CAPN13: variants seen among roughly 807,000 people sequenced by gnomAD.
CAPN13 encodes calpain-13.
A neutral mutation model predicts 98.4 loss-of-function variants in CAPN13; 90 were observed. The ratio of observed to expected loss-of-function variants is 0.92; its 90% CI spans 0.77 to 1.09. The LOEUF (loss-of-function observed/expected upper bound fraction) is 1.09, where lower values mean the gene tolerates loss of function less well. CAPN13 is among the 50% of genes least tolerant of loss of function. CAPN13 has a pLI of 0.00. For missense variants in CAPN13, 887 were observed against 841.3 expected (o/e 1.05, Z -0.67); for synonymous variants, 330 against 305.5 (o/e 1.08, Z -0.84).
At chr2:30,783,935 C>G (rs1004189174) in intron 2 of CAPN13, among the ~76,000 whole-genome samples, 2 of 152,056 alleles carry the variant, frequency 1.3e-5, no homozygotes, top group Non-Finnish European at 2.9e-5. Flanking sequence ...AATCCCAGCA[C>G]TTTGGGAGGC....
At chr2:30,798,508 G>T (rs1052809892) in intron 1 of CAPN13, among the ~76,000 whole-genome samples, 1 of 152,212 alleles carries the variant, frequency 6.6e-6, no homozygotes, top group Non-Finnish European at 1.5e-5. Flanking sequence ...GTGACAGGTT[G>T]CTCTGGTGTC....
chr2:30,751,424 A>T (rs966826042), intron 10 of CAPN13, among the ~76,000 whole-genome samples, 173 bp from the exon 11 acceptor site: 1 of 152,178 alleles, frequency 6.6e-6, no homozygotes, highest in South Asian at 2.1e-4. Context: ...TAATTTTCTA[A>T]ACCTTGGTTT....
chr2:30,742,861 G>A (rs1026632338), intron 13 of CAPN13, among the ~76,000 whole-genome samples: 1 of 152,038 alleles, frequency 6.6e-6, no homozygotes, highest in Non-Finnish European at 1.5e-5. Context: ...CTTTCTTTCA[G>A]GCCCATCTTT....
chr2:30,755,505 C>T lies in CAPN13; in HGVS notation c.867-1141G>A, dbSNP rs1370456433. On this transcript the variant is annotated intron_variant, in intron 8 of 22. Transcript: ENST00000295055. ...CTTAATTAATTAATGCTGCCCACTT[C>T]GTTGGAACGATGTGTTCCAGAAGCC... 2.6e-5 allele frequency among the ~76,000 whole-genome samples: 4 copies of T among 152,148 alleles called. No individual in the cohort carries two copies. In the South Asian group the frequency reaches 8.3e-4, roughly 31 times the overall value.
chr2:30,765,217 C>T (rs1272859586), intron 5 of CAPN13, among the ~76,000 whole-genome samples: 1 of 152,164 alleles, frequency 6.6e-6, no homozygotes, highest in East Asian at 1.9e-4. Flanking sequence ...AACTTCAGCT[C>T]CCATCCATGG....
chr2:30,806,559 G>A (rs954186101), intron 1 of CAPN13, among the ~76,000 whole-genome samples: 1 of 152,200 alleles, frequency 6.6e-6, no homozygotes, highest in African/African-American at 2.4e-5. Context: ...AAATGGGACA[G>A]TCAGTAGTTC....
At chr2:30,794,990 T>C (rs1188660937) in intron 1 of CAPN13, among the ~76,000 whole-genome samples, 1 of 151,986 alleles carries the variant, frequency 6.6e-6, no homozygotes, top group African/African-American at 2.4e-5. Flanking sequence ...TCATCAAAGT[T>C]TATACCTTAA....
chr2:30,797,502 G>A (rs1674945613), intron 1 of CAPN13, among the ~76,000 whole-genome samples: 1 of 152,176 alleles, frequency 6.6e-6, no homozygotes, highest in Non-Finnish European at 1.5e-5. Flanking sequence ...GACGGGAGGT[G>A]GAGGTAATAA....
In CAPN13 at chr2:30,764,125, G is replaced by A; in HGVS notation, c.699+7C>T. 1 of 1,559,706 alleles carries A rather than the reference G, an allele frequency of 6.4e-7. No homozygotes were observed. The highest frequency in any genetic ancestry group is 8.7e-7 in the Non-Finnish European group (1 of 1,151,584). On this transcript the variant is annotated splice_region_variant and intron_variant, in intron 6 of 22. Transcript: ENST00000295055. ...AACTGGTGCAAAAGGGCTCCCCAGT[G>A]ACTTACCCCACTTGGAGTGGCACAG...
chr2:30,804,941 T>C (rs573743211), intron 1 of CAPN13, among the ~76,000 whole-genome samples: 7 of 152,198 alleles, frequency 4.6e-5, no homozygotes, highest in Non-Finnish European at 1.0e-4. Flanking sequence ...TTAATGATAA[T>C]TCAGTCTTTA....
chr2:30,771,345 C>T (rs866127646), intron 4 of CAPN13, among the ~76,000 whole-genome samples: 8 of 152,278 alleles, frequency 5.3e-5, no homozygotes, highest in African/African-American at 1.2e-4. Flanking sequence ...TGGATGGGAT[C>T]GCTTATCCAC....
intron 2 of CAPN13, among the ~76,000 whole-genome samples, chr2:30,783,945 C>G (rs934695457): frequency 2.6e-5 from 4 of 152,116 alleles, no homozygotes; most frequent in African/African-American, 9.7e-5. Flanking sequence ...CTTTGGGAGG[C>G]TGAGGTGGGT....
intron 9 of CAPN13, 74 bp downstream of exon 9, chr2:30,754,216 C>A: frequency 8.4e-7 from 1 of 1,190,450 alleles, no homozygotes; most frequent in Admixed American, 3.0e-5. Context: ...CGTAAATGTT[C>A]AGGGAAAAGG....
chr2:30,764,326 G>T lies in CAPN13; in HGVS notation c.525-20C>A. The T allele has an allele frequency of 6.2e-7, 1 of 1,611,526 alleles. No homozygotes were observed. Among genetic ancestry groups the T allele is most frequent in the South Asian group, 1.1e-5 (1 of 90,704 alleles). ...AGCAGCCTGGGAGGGAATGGGGGAT[G>T]AACCATCGTGGTGCCTTTGGTGAGA... On this transcript the variant is annotated intron_variant, in intron 5 of 22. Coordinates refer to ENST00000295055, the MANE Select transcript of CAPN13 (RefSeq NM_144575.3).
intron 8 of CAPN13, among the ~76,000 whole-genome samples, chr2:30,756,445 C>T (rs1213340903): frequency 1.3e-5 from 2 of 152,224 alleles, no homozygotes; most frequent in Admixed American, 6.5e-5. Context: ...GGAAGCTTCT[C>T]TTCCCCAAAT....
At chr2:30,780,951 C>CA (rs1274416113) in intron 2 of CAPN13, among the ~76,000 whole-genome samples, 1 of 152,164 alleles carries the variant, frequency 6.6e-6, no homozygotes, top group Admixed American at 6.6e-5. Context: ...CACATGAGGG[C>CA]AGTGAAGCCA....
At chr2:30,796,490 C>T (rs981928429) in intron 1 of CAPN13, among the ~76,000 whole-genome samples, 1 of 151,826 alleles carries the variant, frequency 6.6e-6, no homozygotes, top group Non-Finnish European at 1.5e-5. Context: ...TGTCCTGTGT[C>T]CTGTCCTATT....
intron 17 of CAPN13, 66 bp from the exon 18 acceptor site, chr2:30,736,637 C>T (rs933207489): frequency 1.4e-6 from 2 of 1,469,592 alleles, no homozygotes; most frequent in Non-Finnish European, 1.9e-6. Flanking sequence ...ATCCTGCCAA[C>T]AAAGCCAGAG....
intron 8 of CAPN13, among the ~76,000 whole-genome samples, chr2:30,754,866 C>T (rs1048806393): frequency 1.3e-5 from 2 of 152,204 alleles, no homozygotes; most frequent in Non-Finnish European, 1.5e-5. Context: ...TCTCCCTGAA[C>T]TCAGTTCTGC....
Sources: gnomAD v4.1 joint callset for allele counts (sites outside exome capture counted in the v4.1 genomes callset) on GRCh38, gnomAD v4.1.1 for gene constraint, MANE v1.5 for transcripts, NCBI Gene and HGNC (gene_info 2026-07-23, HGNC 2026-07-21) for gene names.